CCNYL1: variants seen among roughly 807,000 people sequenced by gnomAD.
CCNYL1 encodes cyclin Y like 1.
A neutral mutation model predicts 44.2 loss-of-function variants in CCNYL1; 16 were observed. That is an observed-to-expected ratio of 0.36 (90% CI 0.25 to 0.55). The LOEUF is 0.55. CCNYL1 is among the 20% of genes least tolerant of loss of function. The probability of loss-of-function intolerance (pLI) is 0.85; values close to 1 mark genes in which losing one functional copy is unlikely to be tolerated. For synonymous variants in CCNYL1, 159 were observed against 163.2 expected, an observed-to-expected ratio of 0.97 and a Z score of 0.20; for missense variants, 348 against 451.8, an observed-to-expected ratio of 0.77 and a Z score of 2.08.
At chr2:207,717,696 C>A (rs989174076) in intron 1 of CCNYL1, among the ~76,000 whole-genome samples, 1 of 152,080 alleles carries the variant, frequency 6.6e-6, no homozygotes, top group Non-Finnish European at 1.5e-5. Context: ...GGGGTCCACA[C>A]AGACAGTTAC....
chr2:207,719,196 A>G (rs1429234760), intron 1 of CCNYL1, among the ~76,000 whole-genome samples: 1 of 151,662 alleles, frequency 6.6e-6, no homozygotes, highest in Non-Finnish European at 1.5e-5. Flanking sequence ...TGAAGATGTT[A>G]TTTTGGTATG....
Position 207,755,013 on chromosome 2 carries a change from G to A in CCNYL1, c.*1315G>A, listed in dbSNP as rs2091920777. ...GCAGTGTACCATGATGGTGCCTATA[G>A]GAATAGCTACTACACTCCAACCTGG... On this transcript the variant is annotated 3_prime_UTR_variant, in exon 10 of 10. Transcript: ENST00000295414. The A allele has an allele frequency of 6.6e-6, 1 of 152,000 alleles. No individual in the cohort carries two copies. The highest frequency in any genetic ancestry group is 2.4e-5 in the African/African-American group (1 of 41,394). The allele number at this position is 152,000 out of a possible 1,614,324, so 9.4% of individuals were successfully genotyped here.
chr2:207,731,115 G>A (rs548540475), intron 3 of CCNYL1, among the ~76,000 whole-genome samples: 1 of 152,110 alleles, frequency 6.6e-6, no homozygotes, highest in African/African-American at 2.4e-5. Context: ...CATAGATGGA[G>A]GTGTTTCATT....
intron 3 of CCNYL1, among the ~76,000 whole-genome samples, chr2:207,732,149 T>C (rs1198933217): frequency 6.6e-6 from 1 of 152,142 alleles, no homozygotes; most frequent in African/African-American, 2.4e-5. Flanking sequence ...AATGAGTCAG[T>C]TTTTATTTTT....
At chr2:207,746,206 A>C (rs970571458) in intron 7 of CCNYL1, among the ~76,000 whole-genome samples, 4 of 152,210 alleles carry the variant, frequency 2.6e-5, no homozygotes, top group African/African-American at 9.7e-5. Context: ...TACAGCCTAA[A>C]GACCTGTCAT....
In CCNYL1 at chr2:207,753,953, C is replaced by G. The variant is rs530488098; in HGVS notation, c.*255C>G. 8.2e-5 allele frequency: 29 copies of G among 355,502 alleles called. No homozygotes were observed. The highest frequency in any genetic ancestry group is 1.4e-4 in the Non-Finnish European group (28 of 196,268). 22.0% of individuals were successfully genotyped at this position (355,502 alleles called of 1,614,324 possible). Reference sequence around the variant, plus strand: ...ACCACTCCAAAGTGAAGGCTCCCATCCTACACACAGATATTTGCTTACTGT... The same window carrying G: ...ACCACTCCAAAGTGAAGGCTCCCATGCTACACACAGATATTTGCTTACTGT... On this transcript the variant is annotated 3_prime_UTR_variant, in exon 10 of 10. Coordinates refer to ENST00000295414, the MANE Select transcript of CCNYL1 (RefSeq NM_001330218.2).
intron 3 of CCNYL1, among the ~76,000 whole-genome samples, chr2:207,729,250 GCCCC>G (rs1247562126): frequency 2.9e-5 from 2 of 68,186 alleles, no homozygotes; most frequent in Non-Finnish European, 5.0e-5. Flanking sequence ...ACTTGTCTCC[GCCCC>G]CCCCCGCCCC....
intron 1 of CCNYL1, among the ~76,000 whole-genome samples, chr2:207,715,379 CTT>C (rs770646092): frequency 2.0e-5 from 2 of 100,740 alleles, no homozygotes; most frequent in African/African-American, 3.8e-5. Flanking sequence ...CAAGCTATTT[CTT>C]TTTTTTTTTT....
Position 207,756,133 on chromosome 2 carries a change from C to T in CCNYL1, c.*2435C>T, listed in dbSNP as rs2091930175. 1.3e-5 allele frequency: 2 copies of T among 152,140 alleles called. No homozygotes were observed. Among genetic ancestry groups the T allele is most frequent in the Non-Finnish European group, 2.9e-5 (2 of 68,004 alleles). 9.4% of individuals were successfully genotyped at this position (152,140 alleles called of 1,614,324 possible). ...TACAATTTATGTGGTTTTTATTTCT[C>T]ATGTTTATATTAAAAGCTAATAAAC... On this transcript the variant is annotated 3_prime_UTR_variant, in exon 10 of 10. Coordinates refer to ENST00000295414, the MANE Select transcript of CCNYL1 (RefSeq NM_001330218.2).
At chr2:207,749,602 T>G (rs1296436624) in intron 8 of CCNYL1, among the ~76,000 whole-genome samples, 1 of 152,208 alleles carries the variant, frequency 6.6e-6, no homozygotes, top group Admixed American at 6.5e-5. Flanking sequence ...AGTACTATAT[T>G]TCTACACAGT....
chr2:207,728,401 G>C, intron 3 of CCNYL1, among the ~76,000 whole-genome samples: 1 of 151,852 alleles, frequency 6.6e-6, no homozygotes. Context: ...TCAGCCTTCC[G>C]AGTAACTGGG....
chr2:207,737,430 T>C lies in CCNYL1; in HGVS notation c.451T>C (p.Tyr151His). Residue 151 changes from tyrosine to histidine, a missense_variant, in exon 5 of 10, where the codon TAC becomes CAC. Physicochemically the swap from Tyr to His is moderately conservative, Grantham distance 83. Coordinates refer to ENST00000295414, the MANE Select transcript of CCNYL1 (RefSeq NM_001330218.2). ...TCACAGTGTGACCTTAGCAATATAT[T>C]ACCACATAAAGAACAGGTGAGCTCC... ...TVKCVTLAIY[Y>H]HIKNRDANRS... The C allele has an allele frequency of 1.2e-6, 2 of 1,610,826 alleles. No homozygotes were observed.
intron 8 of CCNYL1, 61 bp downstream of exon 8, chr2:207,747,274 G>C: frequency 7.0e-7 from 1 of 1,420,194 alleles, no homozygotes; most frequent in South Asian, 1.3e-5. Context: ...TTCCTATAAA[G>C]TTAACAATTT....
At chr2:207,741,979 C>T (rs1002451727) in intron 6 of CCNYL1, among the ~76,000 whole-genome samples, 4 of 151,414 alleles carry the variant, frequency 2.6e-5, no homozygotes, top group South Asian at 4.2e-4. Flanking sequence ...GTTGAAACCC[C>T]GTCTCTACTA....
At chr2:207,728,173 A>G (rs982542601) in intron 3 of CCNYL1, among the ~76,000 whole-genome samples, 1 of 151,794 alleles carries the variant, frequency 6.6e-6, no homozygotes, top group Non-Finnish European at 1.5e-5. Flanking sequence ...CATGTTGGCC[A>G]GGCTGGTCTC....
chr2:207,753,845 T>G lies in CCNYL1; in HGVS notation c.*147T>G. Reference sequence around the variant, plus strand: ...TCAAGAGACTCATGGACAACAAGGATTATACTCCACAGGAAAGAATGGGAC... The same window carrying G: ...TCAAGAGACTCATGGACAACAAGGAGTATACTCCACAGGAAAGAATGGGAC... On this transcript the variant is annotated 3_prime_UTR_variant, in exon 10 of 10. Coordinates refer to ENST00000295414, the MANE Select transcript of CCNYL1 (RefSeq NM_001330218.2). 1.7e-6 allele frequency: 1 copy of G among 579,946 alleles called. No homozygotes were observed. Among genetic ancestry groups the G allele is most frequent in the Non-Finnish European group, 3.1e-6 (1 of 325,458 alleles). The allele number at this position is 579,946 out of a possible 1,614,324, so 35.9% of individuals were successfully genotyped here. A position where few individuals can be genotyped will look rare whatever the true frequency, so the allele number is the denominator to read the frequency against.
Position 207,721,669 on chromosome 2 carries a change from C to T in CCNYL1, c.221-3131C>T, listed in dbSNP as rs191942030. ...GTGGGTCTTAAAATACAATTTTATA[C>T]ATAACCCCTAACCATGATATCAAAA... is the stretch of plus-strand genomic sequence containing the variant. On this transcript the variant is annotated intron_variant, in intron 1 of 9. Coordinates refer to ENST00000295414, the MANE Select transcript of CCNYL1 (RefSeq NM_001330218.2). Among the ~76,000 whole-genome samples the T allele has an allele frequency of 6.6e-3, 1,003 of 152,022 alleles. 6 individuals carry two copies. Among genetic ancestry groups the T allele is most frequent in the Non-Finnish European group, 0.012 (831 of 67,994 alleles).
intron 3 of CCNYL1, among the ~76,000 whole-genome samples, chr2:207,727,603 ATGT>A (rs2091690664): frequency 6.6e-6 from 1 of 152,052 alleles, no homozygotes; most frequent in South Asian, 2.1e-4. Context: ...TTCCCCCCAA[ATGT>A]TGTAGCATTT....
At position 207,714,312 on chromosome 2, in the gene CCNYL1, C is replaced by CTTTTT. The variant is rs60004559; in HGVS notation, c.220+2218_220+2222dup. On this transcript the variant is annotated intron_variant, in intron 1 of 9. Transcript: ENST00000295414. ...CGATTCAGAGGCAACACTTACATCT[C>CTTTTT]TTTTTTTTTTTTTTTTTTTTTTTTT... The CTTTTT allele has an allele frequency of 3.2e-4, 98 of 309,998 alleles. 1 individual carries two copies. The highest frequency in any genetic ancestry group is 4.3e-4 in the South Asian group (20 of 46,350). 19.2% of individuals were successfully genotyped at this position (309,998 alleles called of 1,614,324 possible). A position where few individuals can be genotyped will look rare whatever the true frequency, so the allele number is the denominator to read the frequency against.
Sources: gnomAD v4.1 joint callset for allele counts (sites outside exome capture counted in the v4.1 genomes callset) on GRCh38, gnomAD v4.1.1 for gene constraint, MANE v1.5 for transcripts, NCBI Gene and HGNC (gene_info 2026-07-23, HGNC 2026-07-21) for gene names.